Variants in PCDH15 observed in about 807,000 individuals in gnomAD.
The protein encoded by PCDH15 is protocadherin related 15.
Under a neutral mutation model 178.5 loss-of-function variants are expected in PCDH15, and 129 were observed. That is an observed-to-expected ratio of 0.72 (90% CI 0.63 to 0.84). The LOEUF (loss-of-function observed/expected upper bound fraction) is 0.84, where lower values mean the gene tolerates loss of function less well. PCDH15 is among the 40% of genes least tolerant of loss of function. The probability of loss-of-function intolerance (pLI) is 0.00; values close to 1 mark genes in which losing one functional copy is unlikely to be tolerated. For missense variants in PCDH15, 2,230 were observed against 2,099.9 expected (o/e 1.06, Z -1.21); for synonymous variants, 800 against 732.0 (o/e 1.09, Z -1.50).
Position 54,275,198 on chromosome 10 carries a change from A to T in PCDH15, c.877-38267T>A, listed in dbSNP as rs75569282. On this transcript the variant is annotated intron_variant, in intron 8 of 37. Transcript: ENST00000644397. The stretch of plus-strand genomic sequence containing the variant: ...CCTTTCAACAACCAATTAGGAAAAA[A>T]ATATATATATACGTTAAATCTTAAC... Among the ~76,000 whole-genome samples the T allele has an allele frequency of 1.3e-4, 16 of 118,940 alleles. No individual in the cohort carries two copies. The East Asian group carries it at 2.3e-3, about 17-fold the overall frequency. 78.0% of individuals were successfully genotyped at this position (118,940 alleles called of 152,430 possible). A position where few individuals can be genotyped will look rare whatever the true frequency, so the allele number is the denominator to read the frequency against.
chr10:55,488,416 A>G (rs950096265), intron 2 of PCDH15, among the ~76,000 whole-genome samples: 3 of 151,566 alleles, frequency 2.0e-5, no homozygotes, highest in Non-Finnish European at 3.0e-5. Flanking sequence ...TTATCAATCA[A>G]TGCATAGCAA....
At chr10:55,201,934 G>GT (rs1840262708) in intron 1 of PCDH15, among the ~76,000 whole-genome samples, 1 of 152,172 alleles carries the variant, frequency 6.6e-6, no homozygotes, top group South Asian at 2.1e-4. Context: ...AGAATTTAAA[G>GT]TTTTTCATTT....
chr10:54,822,404 T>C, intron 3 of PCDH15, among the ~76,000 whole-genome samples: 1 of 152,178 alleles, frequency 6.6e-6, no homozygotes, highest in East Asian at 1.9e-4. Context: ...TTCATGAGTC[T>C]CGCTTATTTC....
chr10:54,785,888 G>T (rs1189968890), intron 1 of PCDH15, among the ~76,000 whole-genome samples: 3 of 151,874 alleles, frequency 2.0e-5, no homozygotes, highest in Non-Finnish European at 4.4e-5. Flanking sequence ...TCCAGGGATT[G>T]CCATCAGCAC....
intron 5 of PCDH15, among the ~76,000 whole-genome samples, chr10:54,363,788 C>G (rs1230131248): frequency 6.6e-6 from 1 of 152,090 alleles, no homozygotes; most frequent in Non-Finnish European, 1.5e-5. Flanking sequence ...TCTTTCAATT[C>G]AAAGTGTAAT....
intron 2 of PCDH15, among the ~76,000 whole-genome samples, chr10:55,009,183 C>T (rs866212413): frequency 1.1e-4 from 17 of 152,066 alleles, no homozygotes; most frequent in Middle Eastern, 3.4e-3. Context: ...TCAACCTTAA[C>T]AAAAACAGTC....
At chr10:54,554,906 C>T (rs2087003626) in intron 2 of PCDH15, among the ~76,000 whole-genome samples, 1 of 152,142 alleles carries the variant, frequency 6.6e-6, no homozygotes, top group Admixed American at 6.5e-5. Flanking sequence ...AAACAACTGG[C>T]TATTTCTCCT....
chr10:54,660,516 G>A (rs191717747), intron 2 of PCDH15, among the ~76,000 whole-genome samples: 20 of 152,120 alleles, frequency 1.3e-4, no homozygotes, highest in African/African-American at 4.8e-4. Flanking sequence ...CAGATTAACA[G>A]CCAAACTTTA....
chr10:55,046,945 CTT>C (rs1318243785), intron 2 of PCDH15, among the ~76,000 whole-genome samples: 1 of 151,804 alleles, frequency 6.6e-6, no homozygotes, highest in Non-Finnish European at 1.5e-5. Flanking sequence ...AGAAATGACT[CTT>C]TTAAAATTAC....
intron 2 of PCDH15, among the ~76,000 whole-genome samples, chr10:55,437,859 C>T (rs1235133256): frequency 6.5e-5 from 6 of 91,812 alleles, no homozygotes; most frequent in African/African-American, 9.9e-5. Flanking sequence ...TTTTTTCAGA[C>T]GGAGTTTTGC....
intron 10 of PCDH15, among the ~76,000 whole-genome samples, chr10:54,209,396 G>A (rs914500803): frequency 2.6e-5 from 4 of 152,044 alleles, no homozygotes; most frequent in African/African-American, 9.7e-5. Flanking sequence ...ATAAAGAATT[G>A]CAGTAGATGA....
In PCDH15 at chr10:54,611,404, T is replaced by C. The variant is rs1590502067; in HGVS notation, c.91+52768A>G. Among the ~76,000 whole-genome samples the C allele has an allele frequency of 2.6e-5, 4 of 152,014 alleles. No individual in the cohort carries two copies. The South Asian group carries it at 8.3e-4, about 31-fold the overall frequency. ...CACCTCTGATTACTTTAGAATTCTG[T>C]TAGCATGTGCTGTAAAAATCCTTTT... On this transcript the variant is annotated intron_variant, in intron 2 of 37. Transcript: ENST00000644397.
chr10:55,412,239 A>G (rs77873905), intron 2 of PCDH15, among the ~76,000 whole-genome samples: 2,037 of 152,130 alleles, frequency 0.013, 41 homozygotes, highest in African/African-American at 0.045. Flanking sequence ...GGGATTTGAG[A>G]TGCAGTTGAC....
At chr10:54,969,558 C>A (rs1838880966) in intron 2 of PCDH15, among the ~76,000 whole-genome samples, 1 of 152,322 alleles carries the variant, frequency 6.6e-6, no homozygotes, top group Non-Finnish European at 1.5e-5. Context: ...AAGGAAGACT[C>A]TGCAAATCTC....
chr10:54,028,768 T>A (rs2093199799), intron 18 of PCDH15, among the ~76,000 whole-genome samples: 1 of 118,656 alleles, frequency 8.4e-6, no homozygotes, highest in Admixed American at 9.8e-5. Flanking sequence ...AAGGGGAATA[T>A]CACACTCTGG....
At chr10:54,215,692 G>A (rs2051947308) in intron 9 of PCDH15, among the ~76,000 whole-genome samples, 2 of 152,124 alleles carry the variant, frequency 1.3e-5, no homozygotes, top group Non-Finnish European at 2.9e-5. Flanking sequence ...ATTGCATGGT[G>A]AGACACAATG....
At chr10:55,063,555 G>T (rs982156853) in intron 2 of PCDH15, among the ~76,000 whole-genome samples, 1 of 152,008 alleles carries the variant, frequency 6.6e-6, no homozygotes, top group Non-Finnish European at 1.5e-5. Context: ...CTGTATACAT[G>T]GGGAGAATTA....
intron 3 of PCDH15, among the ~76,000 whole-genome samples, chr10:54,498,909 C>T (rs1408999173): frequency 6.6e-6 from 1 of 152,052 alleles, no homozygotes; most frequent in African/African-American, 2.4e-5. Context: ...TAGGCACTTC[C>T]TCACATGGCC....
At chr10:54,658,136 A>C (rs1403857467) in intron 2 of PCDH15, among the ~76,000 whole-genome samples, 1 of 152,176 alleles carries the variant, frequency 6.6e-6, no homozygotes, top group African/African-American at 2.4e-5. Context: ...GAAATATTGG[A>C]TAATGGAAAG....
Sources: allele counts gnomAD v4.1 joint callset (sites outside exome capture counted in the v4.1 genomes callset), GRCh38; gene constraint gnomAD v4.1.1; transcripts MANE v1.5; gene names NCBI Gene and HGNC (gene_info 2026-07-23, HGNC 2026-07-21).